CCDC178: variants seen among roughly 807,000 people sequenced by gnomAD.
CCDC178 encodes the protein coiled-coil domain containing 178.
CCDC178 carries 126 observed loss-of-function variants against 117.4 expected under a neutral mutation model. That is an observed-to-expected ratio of 1.07 (90% CI 0.93 to 1.24). CCDC178 has a LOEUF of 1.24. Among genes scored for constraint, CCDC178 ranks in the 50% most tolerant of loss-of-function variants. The pLI is 0.00. For synonymous variants in CCDC178, 283 were observed against 313.4 expected, an observed-to-expected ratio of 0.90 and a Z score of 1.02; for missense variants, 1,030 against 986.9, an observed-to-expected ratio of 1.04 and a Z score of -0.59.
chr18:33,116,846 A>G (rs983055049), intron 20 of CCDC178, among the ~76,000 whole-genome samples: 1 of 152,142 alleles, frequency 6.6e-6, no homozygotes, highest in Admixed American at 6.6e-5. Flanking sequence ...ACAGGGTCCT[A>G]TATTATATGC....
chr18:33,055,974 T>G (rs2056823535), intron 21 of CCDC178, among the ~76,000 whole-genome samples: 1 of 152,086 alleles, frequency 6.6e-6, no homozygotes, highest in African/African-American at 2.4e-5. Context: ...GGCTCATTTT[T>G]GTATTTTTAG....
chr18:33,106,440 T>C (rs939989704), intron 20 of CCDC178, among the ~76,000 whole-genome samples: 2 of 151,738 alleles, frequency 1.3e-5, no homozygotes, highest in Non-Finnish European at 3.0e-5. Context: ...ATAGCCTTTA[T>C]ACGGAAACCT....
intron 21 of CCDC178, among the ~76,000 whole-genome samples, chr18:33,059,872 A>G (rs540336337): frequency 7.8e-4 from 119 of 152,324 alleles, no homozygotes; most frequent in African/African-American, 2.8e-3. Flanking sequence ...TCTGTGGAAT[A>G]AAATTCAAAG....
In CCDC178 at chr18:32,973,212, T is replaced by C. The variant is rs2054964751; in HGVS notation, c.2523+1335A>G. 2.0e-5 allele frequency among the ~76,000 whole-genome samples: 3 copies of C among 152,232 alleles called. No individual in the cohort carries two copies. The South Asian group carries it at 6.2e-4, about 32-fold the overall frequency. On this transcript the variant is annotated intron_variant, in intron 22 of 22. Transcript: ENST00000383096. Reference sequence around the variant, plus strand: ...ATAATTTCTAATGACATTTTTAATATTTGAAAAGACATAATAATTCACAGT... The same window carrying C: ...ATAATTTCTAATGACATTTTTAATACTTGAAAAGACATAATAATTCACAGT...
chr18:33,230,209 T>C (rs546687026), intron 15 of CCDC178, among the ~76,000 whole-genome samples: 1 of 152,124 alleles, frequency 6.6e-6, no homozygotes, highest in East Asian at 1.9e-4. Flanking sequence ...CATGGTAAAG[T>C]TGAAAAACTG....
chr18:33,173,012 T>G (rs1287535217), intron 20 of CCDC178, among the ~76,000 whole-genome samples: 1 of 152,180 alleles, frequency 6.6e-6, no homozygotes, highest in Non-Finnish European at 1.5e-5. Context: ...TTGCACTGTT[T>G]AAAATAAAAT....
At chr18:33,306,769 G>A (rs149930863) in intron 11 of CCDC178, among the ~76,000 whole-genome samples, 40 of 151,972 alleles carry the variant, frequency 2.6e-4, no homozygotes, top group African/African-American at 8.4e-4. Context: ...ATCTTGAATT[G>A]TAGCTCCCAT....
intron 12 of CCDC178, among the ~76,000 whole-genome samples, chr18:33,276,249 T>C (rs1665021448): frequency 6.6e-6 from 1 of 152,116 alleles, no homozygotes; most frequent in African/African-American, 2.4e-5. Flanking sequence ...TTTCAGTGCA[T>C]ATTTCAAATG....
chr18:33,276,376 C>T (rs561750000), intron 12 of CCDC178, among the ~76,000 whole-genome samples: 8 of 152,112 alleles, frequency 5.3e-5, no homozygotes, highest in Non-Finnish European at 1.2e-4. Flanking sequence ...ACTTGAGATA[C>T]TTACTAGATA....
intron 22 of CCDC178, among the ~76,000 whole-genome samples, chr18:32,967,800 A>C (rs1289531942): frequency 1.3e-5 from 2 of 150,444 alleles, no homozygotes; most frequent in Non-Finnish European, 3.0e-5. Context: ...AATCATATAG[A>C]ATGTTCTTTT....
At chr18:33,209,420 C>A (rs899989733) in intron 20 of CCDC178, among the ~76,000 whole-genome samples, 2 of 151,852 alleles carry the variant, frequency 1.3e-5, no homozygotes, top group South Asian at 4.1e-4. Flanking sequence ...TTTATTAAAC[C>A]ATCCCTACAG....
chr18:32,975,790 T>C (rs1040438467), intron 21 of CCDC178, among the ~76,000 whole-genome samples: 3 of 152,098 alleles, frequency 2.0e-5, no homozygotes, highest in South Asian at 2.1e-4. Context: ...TTATATTAAA[T>C]ACTTCCTCAT....
chr18:32,994,168 A>G (rs1461342467), intron 21 of CCDC178, among the ~76,000 whole-genome samples: 1 of 148,328 alleles, frequency 6.7e-6, no homozygotes, highest in Non-Finnish European at 1.5e-5. Flanking sequence ...TCCCCCTCCA[A>G]TTGGTTACTA....
chr18:33,131,483 T>C (rs939111263), intron 20 of CCDC178, among the ~76,000 whole-genome samples: 1 of 151,698 alleles, frequency 6.6e-6, no homozygotes, highest in Non-Finnish European at 1.5e-5. Flanking sequence ...TATTTTGTTA[T>C]GGAAAAAGAA....
At chr18:33,032,483 C>A (rs778851491) in intron 21 of CCDC178, among the ~76,000 whole-genome samples, 11 of 152,130 alleles carry the variant, frequency 7.2e-5, no homozygotes, top group Admixed American at 2.6e-4. Flanking sequence ...AGCTATCTTA[C>A]AATCTGCCTA....
At chr18:33,017,141 T>C (rs2056008803) in intron 21 of CCDC178, among the ~76,000 whole-genome samples, 1 of 151,848 alleles carries the variant, frequency 6.6e-6, no homozygotes. Context: ...TCATTCAGTT[T>C]GGAAAGGAAG....
chr18:33,000,877 T>C (rs1265064547), intron 21 of CCDC178, among the ~76,000 whole-genome samples: 1 of 152,138 alleles, frequency 6.6e-6, no homozygotes, highest in Non-Finnish European at 1.5e-5. Flanking sequence ...ACATCTGAAG[T>C]TGCAAAAGTT....
intron 21 of CCDC178, among the ~76,000 whole-genome samples, chr18:33,049,497 A>G (rs1033936568): frequency 2.6e-5 from 4 of 151,886 alleles, no homozygotes; most frequent in Admixed American, 6.6e-5. Context: ...ATCACTTTAC[A>G]TTATATCAAG....
At chr18:33,406,159 A>T (rs1327185301) in intron 3 of CCDC178, among the ~76,000 whole-genome samples, 1 of 152,100 alleles carries the variant, frequency 6.6e-6, no homozygotes, top group Non-Finnish European at 1.5e-5. Flanking sequence ...CATATGTATA[A>T]ATGCATTTAA....
Sources: allele counts gnomAD v4.1 joint callset (sites outside exome capture counted in the v4.1 genomes callset), GRCh38; gene constraint gnomAD v4.1.1; transcripts MANE v1.5; gene names NCBI Gene and HGNC (gene_info 2026-07-23, HGNC 2026-07-21).